TMEM63A: variants seen among roughly 807,000 people sequenced by gnomAD.
The protein encoded by TMEM63A is mechanosensitive cation channel TMEM63A.
TMEM63A carries 76 observed loss-of-function variants against 100.6 expected under a neutral mutation model. That is an observed-to-expected ratio of 0.76 (90% CI 0.63 to 0.91). The LOEUF (loss-of-function observed/expected upper bound fraction) is 0.91. Ranked by LOEUF, TMEM63A falls within the 40% of genes least tolerant of loss-of-function variation. TMEM63A has a pLI of 0.00. For missense variants in TMEM63A, 876 were observed against 1,008.8 expected (o/e 0.87, Z 1.78); for synonymous variants, 401 against 401.1 (o/e 1.00, Z 0.00).
chr1:225,845,453 C>A, downstream of TMEM63A: 6 of 1,237,420 alleles, frequency 4.8e-6, no homozygotes, highest in Non-Finnish European at 6.8e-6. Flanking sequence ...CCGTCCCCTG[C>A]CCATGCTGGG....
downstream of TMEM63A, among the ~76,000 whole-genome samples, chr1:225,844,834 A>G (rs1036360106): frequency 1.3e-5 from 2 of 152,144 alleles, no homozygotes; most frequent in African/African-American, 2.4e-5. Flanking sequence ...GGCGGCCCTC[A>G]GTACCGCTCC....
chr1:225,867,058 G>C lies in TMEM63A; in HGVS notation c.566+54C>G. ...CTGGCCTGCCCCGGGCTCCTGACCT[G>C]CCTTCTCCTTGATCTCACCCATCAG... is the stretch of plus-strand genomic sequence containing the variant. On this transcript the variant is annotated intron_variant, in intron 8 of 24. Transcript: ENST00000366835. This position sits in a 1 kb window ranked among gnomAD's most constrained non-coding sequence, Gnocchi z 4.6. 1 of 1,600,976 alleles carries C rather than the reference G, an allele frequency of 6.2e-7. No homozygotes were observed. Among genetic ancestry groups the C allele is most frequent in the East Asian group, 2.2e-5 (1 of 44,814 alleles).
downstream of TMEM63A, among the ~76,000 whole-genome samples, chr1:225,843,212 T>TTC (rs59657372): frequency 0.49 from 74,049 of 151,886 alleles, 18,806 homozygotes; most frequent in African/African-American, 0.63. Flanking sequence ...GGAAGGAGGA[T>TTC]TCTTTGTCTA....
chr1:225,844,617 A>G (rs764313000), downstream of TMEM63A: 2 of 1,614,088 alleles, frequency 1.2e-6, no homozygotes, highest in Non-Finnish European at 1.7e-6. Flanking sequence ...ACCCAGAAGC[A>G]TGAGCGGTGA....
At chr1:225,875,606 T>C (rs909525106) in intron 3 of TMEM63A, among the ~76,000 whole-genome samples, 1 of 152,188 alleles carries the variant, frequency 6.6e-6, no homozygotes, top group East Asian at 1.9e-4. Context: ...AGTCATGTTG[T>C]AGGAAAACCA....
At position 225,853,853 on chromosome 1, in the gene TMEM63A, C is replaced by A. The variant is rs1576075006; in HGVS notation, c.1635-62G>T. On this transcript the variant is annotated intron_variant, in intron 18 of 24. Coordinates refer to ENST00000366835, the MANE Select transcript of TMEM63A (RefSeq NM_014698.3). This position sits in a 1 kb window ranked among gnomAD's most constrained non-coding sequence, Gnocchi z 4.0. ...CCGCTCTTGGAGGGAGAGGAGGGGC[C>A]CCTAGGCTGGGCAGGAGCAGAAAGC... is the stretch of plus-strand genomic sequence containing the variant. 2 of 1,480,126 alleles carry A rather than the reference C, an allele frequency of 1.4e-6. No individual in the cohort carries two copies. The highest frequency in any genetic ancestry group is 2.4e-5 in the East Asian group (1 of 41,448). The allele number at this position is 1,480,126 out of a possible 1,614,324, so 91.7% of individuals were successfully genotyped here.
In TMEM63A at chr1:225,862,739, G is replaced by A. The variant is rs1333726550; in HGVS notation, c.827+32C>T. 3.7e-6 allele frequency: 6 copies of A among 1,613,614 alleles called. No individual in the cohort carries two copies. The highest frequency in any genetic ancestry group is 4.2e-6 in the Non-Finnish European group (5 of 1,179,776). On this transcript the variant is annotated intron_variant, in intron 11 of 24. Coordinates refer to ENST00000366835, the MANE Select transcript of TMEM63A (RefSeq NM_014698.3). This position sits in a 1 kb window ranked among gnomAD's most constrained non-coding sequence, Gnocchi z 5.1. The stretch of plus-strand genomic sequence containing the variant: ...AGATGCGAGGCCAGCAAGGAAGGAG[G>A]GGGCATCTTGCAAGGCCCGCCCACC...
At position 225,862,140 on chromosome 1, in the gene TMEM63A, C is replaced by T; in HGVS notation, c.1085+78G>A. 6.3e-7 allele frequency: 1 copy of T among 1,576,758 alleles called. No individual in the cohort carries two copies. The highest frequency in any genetic ancestry group is 8.6e-7 in the Non-Finnish European group (1 of 1,157,634). On this transcript the variant is annotated intron_variant, in intron 13 of 24. Coordinates refer to ENST00000366835, the MANE Select transcript of TMEM63A (RefSeq NM_014698.3). The surrounding 1 kb of genome is among the most constrained non-coding windows in gnomAD (Gnocchi z 5.1). The stretch of plus-strand genomic sequence containing the variant: ...GATGGTGGGTCAGCAGTACCATCTC[C>T]ACTCGAGAGGGACAGTGAGTTATCT...
intron 15 of TMEM63A, among the ~76,000 whole-genome samples, chr1:225,858,937 A>G (rs922725904): frequency 1.5e-4 from 22 of 147,908 alleles, no homozygotes; most frequent in African/African-American, 5.0e-4. Flanking sequence ...GTGTGTGTAT[A>G]TATACATATA....
chr1:225,862,482 G>A lies in TMEM63A; in HGVS notation c.924C>T (p.Cys308=). The A allele has an allele frequency of 6.2e-7, 1 of 1,614,154 alleles. No homozygotes were observed. The highest frequency in any genetic ancestry group is 8.5e-7 in the Non-Finnish European group (1 of 1,180,020). ...LINPKPCGQF[C]CCEVLGCEWE... ...ACTCACAGCCCAGCACTTCACAGCA[G>A]CAAAACTGGCCACAGGGCTTGGGGT... The change falls in exon 12 of 25, where the codon TGC becomes TGT. Residue 308 remains cysteine, a synonymous_variant. Coordinates refer to ENST00000366835, the MANE Select transcript of TMEM63A (RefSeq NM_014698.3). The surrounding 1 kb of genome is among the most constrained non-coding windows in gnomAD (Gnocchi z 5.1).
At chr1:225,848,469 A>C in intron 23 of TMEM63A, 23 bp downstream of exon 23, 1 of 1,612,948 alleles carries the variant, frequency 6.2e-7, no homozygotes, top group Non-Finnish European at 8.5e-7. Context: ...CGACAAGCTC[A>C]GAGGCTGAGG....
rs1668904763 is a variant in TMEM63A, at chr1:225,845,544, T to TAAACG, written c.*1390_*1394dup. On this transcript the variant is annotated 3_prime_UTR_variant, in exon 25 of 25. Coordinates refer to ENST00000366835, the MANE Select transcript of TMEM63A (RefSeq NM_014698.3). ...GTGGTAAGCAACATGGCTTTGATGATAAACGACTTTACTCTAAAAGCGGCT... is the reference window on the plus strand; with the variant it reads ...GTGGTAAGCAACATGGCTTTGATGATAAACGAAACGACTTTACTCTAAAAGCGGCT... 1 of 618,954 alleles carries TAAACG rather than the reference T, an allele frequency of 1.6e-6. No individual in the cohort carries two copies. Among genetic ancestry groups the TAAACG allele is most frequent in the Non-Finnish European group, 2.8e-6 (1 of 353,984 alleles). 38.3% of individuals were successfully genotyped at this position (618,954 alleles called of 1,614,324 possible).
Position 225,871,829 on chromosome 1 carries a change from C to G in TMEM63A, c.333+158G>C, listed in dbSNP as rs1042267134. On this transcript the variant is annotated intron_variant, in intron 5 of 24. Transcript: ENST00000366835. Reference sequence around the variant, plus strand: ...GGTCCCGGGTCATCCAGCTGCCATCCCTCCTGTGGTATTTCCCAAGTTCAG... The same window carrying G: ...GGTCCCGGGTCATCCAGCTGCCATCGCTCCTGTGGTATTTCCCAAGTTCAG... The G allele has an allele frequency of 2.2e-5, 13 of 599,388 alleles. No homozygotes were observed. The Admixed American group carries it at 4.1e-4, about 19-fold the overall frequency. 37.1% of individuals were successfully genotyped at this position (599,388 alleles called of 1,614,324 possible). A position where few individuals can be genotyped will look rare whatever the true frequency, so the allele number is the denominator to read the frequency against.
rs1321994180 is a variant in TMEM63A at position 225,846,231 on chromosome 1, GCA to G, written c.*706_*707del. On this transcript the variant is annotated 3_prime_UTR_variant, in exon 25 of 25. Transcript: ENST00000366835. ...GGAGCAGACGGAGGGGGTGAGTACTGCACAGAGCCTGCCTGGAGGTGCAGACT... is the reference window on the plus strand; with the variant it reads ...GGAGCAGACGGAGGGGGTGAGTACTGCAGAGCCTGCCTGGAGGTGCAGACT... 6.5e-6 allele frequency: 1 copy of G among 152,982 alleles called. No homozygotes were observed. Among genetic ancestry groups the G allele is most frequent in the Non-Finnish European group, 1.5e-5 (1 of 68,642 alleles). 9.5% of individuals were successfully genotyped at this position (152,982 alleles called of 1,614,324 possible).
chr1:225,862,187 C>T lies in TMEM63A; in HGVS notation c.1085+31G>A, dbSNP rs1559042528. On this transcript the variant is annotated intron_variant, in intron 13 of 24. Transcript: ENST00000366835. The surrounding 1 kb of genome is among the most constrained non-coding windows in gnomAD (Gnocchi z 5.1). ...ATCTGGAGGGGAACAGGGAGTCAGC[C>T]AAGAAGGGGTCTGGATGTGCCTACA... The T allele has an allele frequency of 2.5e-6, 4 of 1,611,722 alleles. No homozygotes were observed. Among genetic ancestry groups the T allele is most frequent in the Non-Finnish European group, 3.4e-6 (4 of 1,179,146 alleles).
chr1:225,854,262 G>A (rs1669501394), intron 18 of TMEM63A, among the ~76,000 whole-genome samples: 1 of 152,184 alleles, frequency 6.6e-6, no homozygotes. Flanking sequence ...CACATCCAGG[G>A]GCTGGACAGC....
In TMEM63A at chr1:225,875,004, G is replaced by T. The variant is rs534819103; in HGVS notation, c.187-637C>A. Among the ~76,000 whole-genome samples the T allele has an allele frequency of 2.0e-5, 3 of 152,326 alleles. No individual in the cohort carries two copies. The East Asian group carries it at 5.8e-4, about 29-fold the overall frequency. ...CTGCCTCAGCCTCCCAAAGTGCTGG[G>T]ATTACAGGCGTGAGCCACCATGCTG... On this transcript the variant is annotated intron_variant, in intron 3 of 24. Coordinates refer to ENST00000366835, the MANE Select transcript of TMEM63A (RefSeq NM_014698.3).
intron 13 of TMEM63A, 143 bp from the exon 14 acceptor site, chr1:225,861,140 T>C (rs186392594): frequency 3.3e-6 from 3 of 910,056 alleles, no homozygotes; most frequent in Non-Finnish European, 4.7e-6. Flanking sequence ...AGTAACGCTA[T>C]GTAAGAGGTG....
chr1:225,874,200 G>A (rs1307574229), intron 4 of TMEM63A, 88 bp downstream of exon 4: 1 of 1,283,634 alleles, frequency 7.8e-7, no homozygotes, highest in African/African-American at 1.5e-5. Flanking sequence ...ACACATATAT[G>A]CACACACGCA....
Sources: gnomAD v4.1 joint callset for allele counts (sites outside exome capture counted in the v4.1 genomes callset) on GRCh38, gnomAD v4.1.1 for gene constraint, Gnocchi (gnomAD v3.1) non-coding constraint, MANE v1.5 for transcripts, NCBI Gene and HGNC (gene_info 2026-07-23, HGNC 2026-07-21) for gene names.